Variants in SAMD3 observed in about 807,000 individuals in gnomAD.
The protein encoded by SAMD3 is sterile alpha motif domain containing 3.
Under a neutral mutation model 58.5 loss-of-function variants are expected in SAMD3, and 63 were observed. The ratio of observed to expected loss-of-function variants is 1.08; its 90% CI spans 0.88 to 1.33. The LOEUF is 1.33. Among genes scored for constraint, SAMD3 ranks in the 40% most tolerant of loss-of-function variants. The probability of loss-of-function intolerance (pLI) is 0.00; values close to 1 mark genes in which losing one functional copy is unlikely to be tolerated. For missense variants in SAMD3, 604 were observed against 608.4 expected, an observed-to-expected ratio of 0.99 and a Z score of 0.08; for synonymous variants, 220 against 210.3, an observed-to-expected ratio of 1.05 and a Z score of -0.40.
intron 9 of SAMD3, among the ~76,000 whole-genome samples, chr6:130,148,151 A>G (rs1268365513): frequency 6.6e-6 from 1 of 152,194 alleles, no homozygotes; most frequent in African/African-American, 2.4e-5. Context: ...ATCAAGTACT[A>G]CTACAATAGT....
chr6:130,148,484 G>A (rs1178982920), intron 9 of SAMD3, among the ~76,000 whole-genome samples: 1 of 152,144 alleles, frequency 6.6e-6, no homozygotes, highest in Non-Finnish European at 1.5e-5. Context: ...GTCTTGGTTT[G>A]TTGTTGTTGT....
At position 130,345,961 on chromosome 6, in the gene SAMD3, G is replaced by C. The variant is rs180704827; in HGVS notation, c.-304+19159C>G. 2.6e-5 allele frequency among the ~76,000 whole-genome samples: 4 copies of C among 152,332 alleles called. No individual in the cohort carries two copies. The East Asian group carries it at 7.7e-4, about 29-fold the overall frequency. Reference sequence around the variant, plus strand: ...TTCCATGAGAAGGGTTTTGGATAAGGCTACAAGGGTAAAAAGCACACTAGG... The same window carrying C: ...TTCCATGAGAAGGGTTTTGGATAAGCCTACAAGGGTAAAAAGCACACTAGG... On this transcript the variant is annotated intron_variant, in intron 1 of 13. Transcript: ENST00000368134.
At chr6:130,297,105 C>A (rs1219829193) in intron 2 of SAMD3, among the ~76,000 whole-genome samples, 1 of 152,194 alleles carries the variant, frequency 6.6e-6, no homozygotes, top group Admixed American at 6.5e-5. Context: ...AAAAAGCAAG[C>A]CTGCTGCCAG....
rs781524727 is a variant in SAMD3, at chr6:130,175,834, A to G, written c.822+7T>C. ...AGTCATCAGAACATTTAGGAATTCA[A>G]TCTTACTTTTATCTGGACAAGTTTA... On this transcript the variant is annotated splice_region_variant and intron_variant, in intron 8 of 11. Transcript: ENST00000439090. 6.3e-7 allele frequency: 1 copy of G among 1,588,220 alleles called. No homozygotes were observed. The highest frequency in any genetic ancestry group is 8.6e-7 in the Non-Finnish European group (1 of 1,158,722).
intron 2 of SAMD3, among the ~76,000 whole-genome samples, chr6:130,305,827 T>A (rs1398036217): frequency 2.0e-5 from 3 of 152,242 alleles, no homozygotes; most frequent in Non-Finnish European, 4.4e-5. Context: ...TGTTTAGGAC[T>A]TGTCCTAGTC....
intron 1 of SAMD3, among the ~76,000 whole-genome samples, chr6:130,325,553 T>G (rs1776729861): frequency 6.6e-6 from 1 of 152,008 alleles, no homozygotes; most frequent in South Asian, 2.1e-4. Context: ...GGAAACATCC[T>G]CACAGAAAAT....
At position 130,163,349 on chromosome 6, in the gene SAMD3, A is replaced by G. The variant is rs374274125; in HGVS notation, c.823-8324T>C. 1.4e-4 allele frequency among the ~76,000 whole-genome samples: 22 copies of G among 152,342 alleles called. No individual in the cohort carries two copies. The East Asian group carries it at 4.0e-3, about 28-fold the overall frequency. Reference sequence around the variant, plus strand: ...TCTATTGGACAGTGTTGTGTTAGATACTAGGTGTTTCCTCATACCAAATCC... The same window carrying G: ...TCTATTGGACAGTGTTGTGTTAGATGCTAGGTGTTTCCTCATACCAAATCC... On this transcript the variant is annotated intron_variant, in intron 8 of 11. Coordinates refer to ENST00000439090, the MANE Select transcript of SAMD3 (RefSeq NM_001017373.4).
intron 7 of SAMD3, among the ~76,000 whole-genome samples, chr6:130,182,087 A>AC (rs59863956): frequency 7.7e-4 from 115 of 149,356 alleles, no homozygotes; most frequent in African/African-American, 2.7e-3. Context: ...AAAAAAAAAA[A>AC]CCACAAGTTC....
intron 2 of SAMD3, among the ~76,000 whole-genome samples, chr6:130,274,274 G>A (rs1216723953): frequency 6.6e-6 from 1 of 152,126 alleles, no homozygotes; most frequent in Non-Finnish European, 1.5e-5. Flanking sequence ...ACTCCCTTGT[G>A]CAGAGCAGTT....
chr6:130,258,031 G>A (rs1773981861), intron 2 of SAMD3, among the ~76,000 whole-genome samples: 1 of 152,144 alleles, frequency 6.6e-6, no homozygotes, highest in Non-Finnish European at 1.5e-5. Context: ...TCATATTGGA[G>A]TAGTTTTTTC....
chr6:130,292,019 A>G (rs1344456776), intron 2 of SAMD3, among the ~76,000 whole-genome samples: 2 of 152,206 alleles, frequency 1.3e-5, no homozygotes, highest in Non-Finnish European at 2.9e-5. Context: ...TATTAAGCTA[A>G]TCTAATACTT....
chr6:130,289,516 G>A (rs1256510472), intron 2 of SAMD3, among the ~76,000 whole-genome samples: 1 of 151,848 alleles, frequency 6.6e-6, no homozygotes, highest in Non-Finnish European at 1.5e-5. Flanking sequence ...TAGAGAGAGA[G>A]AGAGACAGAG....
Position 130,201,853 on chromosome 6 carries a change from G to A in SAMD3, c.383+7642C>T, listed in dbSNP as rs537117564. ...GTGAAGCCTTTCCCTAGAGGCCTTC[G>A]CCACGCTTACTTCCCAGAAAGTCTT... On this transcript the variant is annotated intron_variant, in intron 5 of 11. Transcript: ENST00000439090. 4.8e-4 allele frequency among the ~76,000 whole-genome samples: 73 copies of A among 152,178 alleles called. 1 individual carries two copies. The highest frequency in any genetic ancestry group is 3.1e-3 in the South Asian group (15 of 4,800).
intron 5 of SAMD3, among the ~76,000 whole-genome samples, chr6:130,203,702 C>G (rs949843640): frequency 6.6e-6 from 1 of 152,330 alleles, no homozygotes; most frequent in African/African-American, 2.4e-5. Context: ...AGGGACTGCA[C>G]AGATGAATAA....
intron 5 of SAMD3, among the ~76,000 whole-genome samples, chr6:130,204,490 A>G (rs953871143): frequency 5.3e-5 from 8 of 151,644 alleles, no homozygotes; most frequent in Non-Finnish European, 8.8e-5. Context: ...GCCTGCAGTG[A>G]GGATACTGAG....
intron 2 of SAMD3, among the ~76,000 whole-genome samples, chr6:130,301,551 T>A (rs1364183373): frequency 6.6e-6 from 1 of 152,122 alleles, no homozygotes; most frequent in African/African-American, 2.4e-5. Flanking sequence ...AAATTACCAA[T>A]GCCATTTTTT....
At chr6:130,174,686 AT>A (rs756537528) in intron 8 of SAMD3, among the ~76,000 whole-genome samples, 123 of 152,334 alleles carry the variant, frequency 8.1e-4, no homozygotes, top group Non-Finnish European at 1.5e-3. Flanking sequence ...CTATCTTATA[AT>A]TTTAGTTTGT....
chr6:130,201,445 G>T (rs1794647564), intron 5 of SAMD3, among the ~76,000 whole-genome samples: 1 of 152,104 alleles, frequency 6.6e-6, no homozygotes, highest in African/African-American at 2.4e-5. Flanking sequence ...AGAATCCCAG[G>T]CCCCACCCTA....
intron 2 of SAMD3, among the ~76,000 whole-genome samples, chr6:130,280,240 C>T (rs778469075): frequency 3.0e-4 from 46 of 152,184 alleles, no homozygotes; most frequent in Non-Finnish European, 6.0e-4. Context: ...CTCCTAATCA[C>T]GAAGTTATTA....
Sources: allele counts gnomAD v4.1 joint callset (sites outside exome capture counted in the v4.1 genomes callset), GRCh38; gene constraint gnomAD v4.1.1; transcripts MANE v1.5; gene names NCBI Gene and HGNC (gene_info 2026-07-23, HGNC 2026-07-21).